Variants in AUTS2 observed in about 807,000 individuals in gnomAD.
The protein encoded by AUTS2 is activator of transcription and developmental regulator AUTS2.
A neutral mutation model predicts 112.4 loss-of-function variants in AUTS2; 17 were observed. That is an observed-to-expected ratio of 0.15 (90% confidence interval 0.10 to 0.23). The LOEUF (loss-of-function observed/expected upper bound fraction) is 0.23, where lower values mean the gene tolerates loss of function less well. Ranked by LOEUF, AUTS2 falls within the 10% of genes least tolerant of loss-of-function variation. The probability of loss-of-function intolerance (pLI) is 1.00; values close to 1 mark genes in which losing one functional copy is unlikely to be tolerated. For missense variants in AUTS2, 1,510 were observed against 1,701.6 expected (o/e 0.89, Z 1.98); for synonymous variants, 751 against 702.7 (o/e 1.07, Z -1.09).
chr7:70,530,969 A>G (rs1403974006), intron 5 of AUTS2, among the ~76,000 whole-genome samples: 1 of 152,132 alleles, frequency 6.6e-6, no homozygotes, highest in Admixed American at 6.5e-5. Flanking sequence ...GGGGAAGTCA[A>G]TGGTACCATC....
At chr7:70,611,774 T>A (rs1804105070) in intron 5 of AUTS2, among the ~76,000 whole-genome samples, 1 of 152,228 alleles carries the variant, frequency 6.6e-6, no homozygotes, top group African/African-American at 2.4e-5. Context: ...ACTCACTCAC[T>A]AGAATGTACT....
At chr7:69,702,949 T>C (rs753523256) in intron 1 of AUTS2, among the ~76,000 whole-genome samples, 6 of 152,230 alleles carry the variant, frequency 3.9e-5, no homozygotes, top group Non-Finnish European at 8.8e-5. Context: ...GGATCCTGCT[T>C]GCATTCTAGT....
At chr7:69,756,130 A>T (rs1344231512) in intron 1 of AUTS2, among the ~76,000 whole-genome samples, 6 of 152,216 alleles carry the variant, frequency 3.9e-5, no homozygotes, top group Non-Finnish European at 8.8e-5. Flanking sequence ...AACCCTGTGT[A>T]ATAGTCTAGT....
At chr7:70,123,549 G>A (rs1228026292) in intron 3 of AUTS2, among the ~76,000 whole-genome samples, 1 of 152,052 alleles carries the variant, frequency 6.6e-6, no homozygotes, top group African/African-American at 2.4e-5. Flanking sequence ...CCCTCTCTGT[G>A]TTCATAAGTT....
At chr7:70,768,986 T>TATCA (rs1790137479) in intron 10 of AUTS2, among the ~76,000 whole-genome samples, 1 of 151,972 alleles carries the variant, frequency 6.6e-6, no homozygotes, top group Non-Finnish European at 1.5e-5. Context: ...TAGATAGTGT[T>TATCA]ATCATTTGAG....
At chr7:70,444,652 T>C (rs947582212) in intron 5 of AUTS2, among the ~76,000 whole-genome samples, 3 of 152,156 alleles carry the variant, frequency 2.0e-5, no homozygotes, top group Non-Finnish European at 4.4e-5. Flanking sequence ...TCCCTATCAG[T>C]TTCCATGAGG....
intron 3 of AUTS2, among the ~76,000 whole-genome samples, chr7:70,131,837 C>T (rs562862007): frequency 6.6e-6 from 1 of 151,942 alleles, no homozygotes; most frequent in Non-Finnish European, 1.5e-5. Context: ...CTGGTAACTT[C>T]TGTTACCAAT....
At chr7:70,384,130 C>T (rs1793502866) in intron 4 of AUTS2, among the ~76,000 whole-genome samples, 1 of 152,252 alleles carries the variant, frequency 6.6e-6, no homozygotes, top group Non-Finnish European at 1.5e-5. Flanking sequence ...CACCGCCCCT[C>T]CTGCCATGTG....
At chr7:69,770,308 T>TCATTCAG (rs1350565823) in intron 1 of AUTS2, among the ~76,000 whole-genome samples, 3 of 152,248 alleles carry the variant, frequency 2.0e-5, no homozygotes, top group African/African-American at 4.8e-5. Flanking sequence ...GACATTGCAG[T>TCATTCAG]CATTCAGCAG....
At chr7:69,701,379 C>T (rs566537653) in intron 1 of AUTS2, among the ~76,000 whole-genome samples, 1 of 152,256 alleles carries the variant, frequency 6.6e-6, no homozygotes, top group South Asian at 2.1e-4. Flanking sequence ...ACTGAAATGC[C>T]ATTCATTCAG....
At chr7:70,770,236 G>A (rs1790249313) in intron 10 of AUTS2, among the ~76,000 whole-genome samples, 1 of 152,198 alleles carries the variant, frequency 6.6e-6, no homozygotes, top group Non-Finnish European at 1.5e-5. Context: ...AGGGCACTTG[G>A]CTTGCAATCA....
chr7:70,750,316 G>A (rs755758114), intron 6 of AUTS2, among the ~76,000 whole-genome samples: 48 of 146,980 alleles, frequency 3.3e-4, no homozygotes, highest in South Asian at 1.1e-3. Context: ...GGATAAACTC[G>A]ACAGATGGAA....
intron 4 of AUTS2, among the ~76,000 whole-genome samples, chr7:70,187,013 G>T (rs7784584): frequency 0.3 from 44,971 of 152,164 alleles, 6,928 homozygotes; most frequent in Middle Eastern, 0.37. Flanking sequence ...AGTAGTAGAA[G>T]CAGGATTCAA....
At chr7:70,261,742 T>C (rs1057128218) in intron 4 of AUTS2, among the ~76,000 whole-genome samples, 1 of 152,228 alleles carries the variant, frequency 6.6e-6, no homozygotes, top group Non-Finnish European at 1.5e-5. Flanking sequence ...ACAGTTGTTA[T>C]CTTTACTGTT....
intron 4 of AUTS2, among the ~76,000 whole-genome samples, chr7:70,410,806 C>G (rs941856944): frequency 2.0e-5 from 3 of 151,592 alleles, no homozygotes; most frequent in Admixed American, 2.0e-4. Context: ...TAGTCATCCC[C>G]TACATATGAA....
At chr7:70,045,739 G>C (rs934912597) in intron 2 of AUTS2, among the ~76,000 whole-genome samples, 1 of 150,480 alleles carries the variant, frequency 6.6e-6, no homozygotes, top group Non-Finnish European at 1.5e-5. Flanking sequence ...CTCCCGAGTA[G>C]CTGGGATTAC....
chr7:69,642,908 C>A (rs1232095012), intron 1 of AUTS2, among the ~76,000 whole-genome samples: 1 of 152,118 alleles, frequency 6.6e-6, no homozygotes, highest in African/African-American at 2.4e-5. Context: ...CATTTATTAT[C>A]CCACAGTTTC....
chr7:70,520,159 T>C lies in AUTS2; in HGVS notation c.690+84378T>C, dbSNP rs536042089. On this transcript the variant is annotated intron_variant, in intron 5 of 18. Coordinates refer to ENST00000342771, the MANE Select transcript of AUTS2 (RefSeq NM_015570.4). ...TTTATGGTTCATGCTTTTGCTGTTA[T>C]GTCCAAATTCAAAGGAATGTTTTTT... Among the ~76,000 whole-genome samples, 18 of 152,308 alleles carry C rather than the reference T, an allele frequency of 1.2e-4. No individual in the cohort carries two copies. The South Asian group carries it at 3.1e-3, about 26-fold the overall frequency.
intron 4 of AUTS2, among the ~76,000 whole-genome samples, chr7:70,309,265 C>G (rs1233547645): frequency 1.3e-5 from 2 of 152,298 alleles, no homozygotes; most frequent in East Asian, 3.9e-4. Flanking sequence ...TCTCAGACTT[C>G]TAGGCCAGAG....
Sources: allele counts gnomAD v4.1 joint callset (sites outside exome capture counted in the v4.1 genomes callset), GRCh38; gene constraint gnomAD v4.1.1; transcripts MANE v1.5; gene names NCBI Gene and HGNC (gene_info 2026-07-23, HGNC 2026-07-21).